RNF130: variants seen among roughly 807,000 people sequenced by gnomAD.
RNF130 encodes the protein ring finger protein 130, also known as E3 ubiquitin-protein ligase RNF130.
RNF130 carries 21 observed loss-of-function variants against 44.6 expected under a neutral mutation model. The observed-to-expected ratio is 0.47, with a 90% CI of 0.33 to 0.68. The LOEUF (loss-of-function observed/expected upper bound fraction) is 0.68. RNF130 is among the 30% of genes least tolerant of loss of function. RNF130 has a pLI of 0.02. For synonymous variants in RNF130, 214 were observed against 210.4 expected (o/e 1.02, Z -0.15); for missense variants, 479 against 560.6 (o/e 0.85, Z 1.47).
At chr5:179,981,338 T>C (rs576498808) in intron 3 of RNF130, among the ~76,000 whole-genome samples, 1 of 152,200 alleles carries the variant, frequency 6.6e-6, no homozygotes, top group African/African-American at 2.4e-5. Context: ...GGCCTTACAC[T>C]GTGGGAAAAG....
chr5:180,028,791 A>G (rs1435105983), intron 2 of RNF130, among the ~76,000 whole-genome samples: 3 of 152,206 alleles, frequency 2.0e-5, no homozygotes, highest in African/African-American at 7.2e-5. Context: ...ATTTTTTTGT[A>G]CTAGATATAT....
At chr5:179,934,922 A>G (rs1761866777) in intron 7 of RNF130, among the ~76,000 whole-genome samples, 1 of 151,114 alleles carries the variant, frequency 6.6e-6, no homozygotes, top group Non-Finnish European at 1.5e-5. Flanking sequence ...CCTTCCTTTG[A>G]TTTAGTTTGT....
In RNF130 at chr5:179,966,918, G is replaced by A. The variant is rs746280900; in HGVS notation, c.1038C>T (p.Leu346=). 5.6e-6 allele frequency: 9 copies of A among 1,614,132 alleles called. No individual in the cohort carries two copies. The highest frequency in any genetic ancestry group is 6.8e-6 in the Non-Finnish European group (8 of 1,180,048). Residue 346 remains leucine, a synonymous_variant, in exon 7 of 9, where the codon CTC becomes CTT. Coordinates refer to ENST00000521389, the MANE Select transcript of RNF130 (RefSeq NM_018434.6). The part of the protein sequence containing the change: ...AVNRRSALGD[L]AGDNSLGLEP... ...CAAGGCCAAGGGAGTTGTCGCCGGC[G>A]AGGTCGCCGAGGGCTGATCTTCGGT... is the stretch of plus-strand genomic sequence containing the variant.
At chr5:179,938,365 T>C (rs1253657292) in intron 7 of RNF130, among the ~76,000 whole-genome samples, 1 of 151,376 alleles carries the variant, frequency 6.6e-6, no homozygotes, top group Non-Finnish European at 1.5e-5. Flanking sequence ...AGGTATATCA[T>C]GGGGACAGGA....
chr5:179,973,165 C>T (rs895203892), intron 5 of RNF130, among the ~76,000 whole-genome samples: 23 of 152,182 alleles, frequency 1.5e-4, no homozygotes, highest in African/African-American at 5.3e-4. Context: ...TCCAAATTCC[C>T]CGCTAGTCCA....
At chr5:179,965,422 G>C (rs1311784581) in intron 7 of RNF130, among the ~76,000 whole-genome samples, 2 of 152,176 alleles carry the variant, frequency 1.3e-5, no homozygotes, top group African/African-American at 4.8e-5. Flanking sequence ...TCTGCTAAAG[G>C]TGATTAATTT....
At chr5:180,031,052 A>G (rs879046913) in intron 2 of RNF130, among the ~76,000 whole-genome samples, 1 of 152,250 alleles carries the variant, frequency 6.6e-6, no homozygotes, top group Non-Finnish European at 1.5e-5. Context: ...CTTCCACTTA[A>G]TAAACAGTAA....
chr5:179,968,202 A>G (rs1043349584), intron 6 of RNF130, among the ~76,000 whole-genome samples: 4 of 150,922 alleles, frequency 2.7e-5, no homozygotes, highest in African/African-American at 9.8e-5. Context: ...GGCTGAGGCA[A>G]GAGAATGGCA....
chr5:180,006,078 T>C (rs1294505581), intron 3 of RNF130, among the ~76,000 whole-genome samples: 3 of 152,208 alleles, frequency 2.0e-5, no homozygotes, highest in Non-Finnish European at 4.4e-5. Context: ...GTATTTGCAG[T>C]ATTTTTTTAA....
chr5:180,001,843 G>T (rs1763351556), intron 3 of RNF130, among the ~76,000 whole-genome samples: 1 of 152,186 alleles, frequency 6.6e-6, no homozygotes, highest in Non-Finnish European at 1.5e-5. Flanking sequence ...TGAGCTTCTT[G>T]AAGACTAGTA....
At chr5:179,940,838 T>C (rs1761961422) in intron 7 of RNF130, among the ~76,000 whole-genome samples, 1 of 152,124 alleles carries the variant, frequency 6.6e-6, no homozygotes, top group African/African-American at 2.4e-5. Context: ...TTGAATTACA[T>C]GTATATTAAT....
chr5:179,997,748 T>C (rs1414757286), intron 3 of RNF130, among the ~76,000 whole-genome samples: 1 of 152,178 alleles, frequency 6.6e-6, no homozygotes, highest in Non-Finnish European at 1.5e-5. Context: ...ATTATAAGCA[T>C]GAGCCACCAT....
chr5:179,967,358 T>C (rs1035657049), intron 6 of RNF130, among the ~76,000 whole-genome samples: 2 of 152,248 alleles, frequency 1.3e-5, no homozygotes, highest in East Asian at 1.9e-4. Flanking sequence ...CTTTGCTTCA[T>C]GGTAAATGTC....
intron 3 of RNF130, among the ~76,000 whole-genome samples, chr5:179,999,552 T>C (rs1178635734): frequency 6.6e-6 from 1 of 151,838 alleles, no homozygotes; most frequent in Non-Finnish European, 1.5e-5. Context: ...TGAAACCCTG[T>C]CTCTACTAAA....
At chr5:180,045,591 C>T (rs1395207457) in intron 1 of RNF130, among the ~76,000 whole-genome samples, 2 of 152,188 alleles carry the variant, frequency 1.3e-5, no homozygotes, top group East Asian at 3.9e-4. Flanking sequence ...ACCCCACCCA[C>T]ATCCTAATTG....
intron 3 of RNF130, among the ~76,000 whole-genome samples, chr5:180,011,923 A>G (rs1183735275): frequency 6.6e-6 from 1 of 152,242 alleles, no homozygotes; most frequent in Non-Finnish European, 1.5e-5. Context: ...AAAAATTTTC[A>G]AAATAAAAAA....
chr5:180,063,277 G>A (rs919247616), intron 1 of RNF130, among the ~76,000 whole-genome samples: 6 of 152,232 alleles, frequency 3.9e-5, no homozygotes, highest in East Asian at 1.9e-4. Flanking sequence ...GAACTAAGGC[G>A]GCAGCCGTGA....
At chr5:179,920,491 G>A in intron 7 of RNF130, 1 of 681,682 alleles carries the variant, frequency 1.5e-6, no homozygotes. Context: ...ACATGGCTAG[G>A]AGGAAACAAT....
chr5:179,946,509 CTTCT>C (rs1474663123), intron 7 of RNF130, among the ~76,000 whole-genome samples: 1 of 149,612 alleles, frequency 6.7e-6, no homozygotes, highest in Non-Finnish European at 1.5e-5. Context: ...TACTAGCGTT[CTTCT>C]TAGTCTTAAC....
Sources: gnomAD v4.1 joint callset for allele counts (sites outside exome capture counted in the v4.1 genomes callset) on GRCh38, gnomAD v4.1.1 for gene constraint, MANE v1.5 for transcripts, NCBI Gene and HGNC (gene_info 2026-07-23, HGNC 2026-07-21) for gene names.